ULK4: variants seen among roughly 807,000 people sequenced by gnomAD.
The protein encoded by ULK4 is unc-51 like kinase 4.
ULK4 carries 133 observed loss-of-function variants against 160.6 expected under a neutral mutation model. The ratio of observed to expected loss-of-function variants is 0.83; its 90% CI spans 0.72 to 0.96. The LOEUF is 0.96. Among genes scored for constraint, ULK4 ranks in the 40% least tolerant of loss-of-function variants. The pLI, the probability that ULK4 is intolerant of heterozygous loss-of-function variation, is 0.00. For missense variants in ULK4, 1,580 were observed against 1,499.5 expected (o/e 1.05, Z -0.89); for synonymous variants, 534 against 539.8 (o/e 0.99, Z 0.15).
At chr3:41,306,131 G>C (rs1276302709) in intron 35 of ULK4, among the ~76,000 whole-genome samples, 1 of 54,064 alleles carries the variant, frequency 1.8e-5, no homozygotes, top group African/African-American at 9.2e-5. Flanking sequence ...AGGGAGGTGG[G>C]GGGGGGGGGT....
chr3:41,469,239 G>T (rs771209969), intron 32 of ULK4, among the ~76,000 whole-genome samples: 1 of 152,148 alleles, frequency 6.6e-6, no homozygotes, highest in East Asian at 1.9e-4. Flanking sequence ...TGCCTAGACA[G>T]AGAGACAAAT....
intron 31 of ULK4, among the ~76,000 whole-genome samples, chr3:41,575,141 G>A (rs997458914): frequency 7.2e-5 from 11 of 152,244 alleles, no homozygotes; most frequent in African/African-American, 2.7e-4. Flanking sequence ...CCCTAAGGGT[G>A]AGAAACAGGG....
chr3:41,293,376 G>C lies in ULK4; in HGVS notation c.3679-43802C>G, dbSNP rs560673949. 2.6e-3 allele frequency among the ~76,000 whole-genome samples: 398 copies of C among 152,310 alleles called. 2 individuals are homozygous for C. Among genetic ancestry groups the C allele is most frequent in the Non-Finnish European group, 3.7e-3 (254 of 68,032 alleles). On this transcript the variant is annotated intron_variant, in intron 35 of 36. Coordinates refer to ENST00000301831, the MANE Select transcript of ULK4 (RefSeq NM_017886.4). ...TTAAAATCAGGAAGTGGCAAAGAGAGAAGAATGTTATGGTAGTGAAGGTCA... is the reference window on the plus strand; with the variant it reads ...TTAAAATCAGGAAGTGGCAAAGAGACAAGAATGTTATGGTAGTGAAGGTCA...
chr3:41,368,129 C>T (rs1281038590), intron 35 of ULK4, among the ~76,000 whole-genome samples: 2 of 151,758 alleles, frequency 1.3e-5, no homozygotes, highest in African/African-American at 2.4e-5. Context: ...TTCACTGCAA[C>T]CTCTGCCTCT....
chr3:41,917,066 G>A (rs999351787), intron 7 of ULK4, among the ~76,000 whole-genome samples: 6 of 152,100 alleles, frequency 3.9e-5, no homozygotes, highest in Non-Finnish European at 7.4e-5. Context: ...GAACAACTAA[G>A]AATATTTGCA....
chr3:41,300,840 TATATATA>T (rs2079776115), intron 35 of ULK4, among the ~76,000 whole-genome samples: 4 of 22,208 alleles, frequency 1.8e-4, no homozygotes, highest in African/African-American at 6.0e-4. Flanking sequence ...TTACAGATTA[TATATATA>T]TATATATATA....
chr3:41,859,322 C>G lies in ULK4; in HGVS notation c.1657-23351G>C, dbSNP rs77459926. ...CATTCTCTCCTCGTGACCTCAAAGA[C>G]TGAGCACTGTAGAGCACATCTTCCT... is the stretch of plus-strand genomic sequence containing the variant. On this transcript the variant is annotated intron_variant, in intron 17 of 36. Transcript: ENST00000301831. 2.2e-3 allele frequency: 1,303 copies of G among 591,340 alleles called. 16 individuals carry two copies. The African/African-American group carries it at 0.023, about 10-fold the overall frequency. 36.6% of individuals were successfully genotyped at this position (591,340 alleles called of 1,614,324 possible). A position where few individuals can be genotyped will look rare whatever the true frequency, so the allele number is the denominator to read the frequency against.
intron 18 of ULK4, among the ~76,000 whole-genome samples, chr3:41,825,068 C>A (rs995781685): frequency 1.3e-5 from 2 of 152,170 alleles, no homozygotes; most frequent in Non-Finnish European, 2.9e-5. Flanking sequence ...TGGAGTGGAC[C>A]TCCAGCAAAC....
Position 41,715,464 on chromosome 3 carries a change from G to A in ULK4, c.2560C>T (p.His854Tyr). The part of the protein sequence containing the change: ...LCLPLMPVVL[H>Y]LVTSQVFRPQ... ...AATAGTACCTGTGAAGTTACGAGGT[G>A]AAGCACTACAGGCATCAGGGGGAGA... is the stretch of plus-strand genomic sequence containing the variant. The change falls in exon 24 of 37, where the codon CAC becomes TAC. Residue 854 changes from histidine (H) to tyrosine (Y), a missense_variant. His to Tyr is a moderately conservative substitution (Grantham distance 83). Transcript: ENST00000301831. 1 of 1,614,130 alleles carries A rather than the reference G, an allele frequency of 6.2e-7. No individual in the cohort carries two copies. The highest frequency in any genetic ancestry group is 8.5e-7 in the Non-Finnish European group (1 of 1,180,004).
chr3:41,824,425 G>T lies in ULK4; in HGVS notation c.1765-4919C>A, dbSNP rs139779973. Among the ~76,000 whole-genome samples the T allele has an allele frequency of 7.2e-3, 1,094 of 152,230 alleles. 10 individuals are homozygous for T. Among genetic ancestry groups the T allele is most frequent in the Non-Finnish European group, 0.011 (734 of 68,016 alleles). ...GAATTCCCTTCCCTAGTCAAAGAAAGGGGTGACAGACGGCACCTGGAAAAT... is the reference window on the plus strand; with the variant it reads ...GAATTCCCTTCCCTAGTCAAAGAAATGGGTGACAGACGGCACCTGGAAAAT... On this transcript the variant is annotated intron_variant, in intron 18 of 36. Transcript: ENST00000301831.
At chr3:41,513,916 C>T (rs549747242) in intron 32 of ULK4, among the ~76,000 whole-genome samples, 2 of 152,056 alleles carry the variant, frequency 1.3e-5, no homozygotes, top group East Asian at 3.9e-4. Flanking sequence ...CACTAAAGAA[C>T]GTATTCATGT....
chr3:41,581,078 C>T (rs931931315), intron 31 of ULK4, among the ~76,000 whole-genome samples: 1 of 152,044 alleles, frequency 6.6e-6, no homozygotes, highest in Admixed American at 6.5e-5. Context: ...CCCCATTCAC[C>T]CTTTCCCAGA....
intron 17 of ULK4, among the ~76,000 whole-genome samples, chr3:41,858,902 T>C (rs2042435221): frequency 6.6e-6 from 1 of 152,114 alleles, no homozygotes; most frequent in Non-Finnish European, 1.5e-5. Flanking sequence ...TAAGGTGTAA[T>C]TCTGTTGAGA....
At chr3:41,420,557 A>T (rs1234092392) in intron 34 of ULK4, among the ~76,000 whole-genome samples, 2 of 131,684 alleles carry the variant, frequency 1.5e-5, no homozygotes. Context: ...ATCTCGGCTA[A>T]TTGCAACCTC....
At chr3:41,427,581 T>C (rs751067833) in intron 34 of ULK4, among the ~76,000 whole-genome samples, 2 of 152,224 alleles carry the variant, frequency 1.3e-5, no homozygotes, top group African/African-American at 4.8e-5. Flanking sequence ...TATGATCAAG[T>C]TGGCTTCATC....
chr3:41,947,418 A>G (rs963772949), intron 2 of ULK4, among the ~76,000 whole-genome samples: 4 of 152,170 alleles, frequency 2.6e-5, no homozygotes, highest in African/African-American at 9.7e-5. Flanking sequence ...ATGATGGTAA[A>G]TGCTATATGG....
chr3:41,616,823 G>A (rs1350250190), intron 30 of ULK4, among the ~76,000 whole-genome samples: 1 of 152,194 alleles, frequency 6.6e-6, no homozygotes, highest in East Asian at 1.9e-4. Context: ...AAGCCAGGGA[G>A]TCAAGTGGTC....
chr3:41,556,815 T>C (rs1032548873), intron 32 of ULK4, among the ~76,000 whole-genome samples: 1 of 151,830 alleles, frequency 6.6e-6, no homozygotes, highest in African/African-American at 2.4e-5. Flanking sequence ...ATAATTCCAA[T>C]GATAAATGAA....
intron 30 of ULK4, among the ~76,000 whole-genome samples, chr3:41,639,348 T>A (rs1021008868): frequency 6.6e-6 from 1 of 152,074 alleles, no homozygotes. Context: ...TTTGACAAGT[T>A]CAAAATACCT....
Sources: allele counts gnomAD v4.1 joint callset (sites outside exome capture counted in the v4.1 genomes callset), GRCh38; gene constraint gnomAD v4.1.1; transcripts MANE v1.5; gene names NCBI Gene and HGNC (gene_info 2026-07-23, HGNC 2026-07-21).